Variants in ABHD12 observed in about 807,000 individuals in gnomAD.
ABHD12 encodes lysophosphatidylserine lipase ABHD12.
Under a neutral mutation model 58.3 loss-of-function variants are expected in ABHD12, and 43 were observed. That is an observed-to-expected ratio of 0.74 (90% CI 0.58 to 0.95). ABHD12 has a LOEUF of 0.95. ABHD12 is among the 40% of genes least tolerant of loss of function. The probability of loss-of-function intolerance (pLI) is 0.00; values close to 1 mark genes in which losing one functional copy is unlikely to be tolerated. For missense variants in ABHD12, 539 were observed against 537.2 expected, an observed-to-expected ratio of 1.00 and a Z score of -0.03; for synonymous variants, 219 against 211.2, an observed-to-expected ratio of 1.04 and a Z score of -0.32.
downstream of ABHD12, chr20:25,297,045 C>T (rs879275547): frequency 6.2e-6 from 1 of 162,244 alleles, no homozygotes; most frequent in Non-Finnish European, 1.4e-5. Flanking sequence ...GTCGGATCCT[C>T]TAGGCATCGC....
chr20:25,345,577 C>G (rs2089507724), intron 1 of ABHD12, among the ~76,000 whole-genome samples: 1 of 152,016 alleles, frequency 6.6e-6, no homozygotes, highest in African/African-American at 2.4e-5. Context: ...ACAAAATATA[C>G]AAAGAACTCT....
At chr20:25,362,227 C>G (rs1014391882) in intron 1 of ABHD12, among the ~76,000 whole-genome samples, 3 of 151,696 alleles carry the variant, frequency 2.0e-5, no homozygotes, top group Admixed American at 6.6e-5. Context: ...TTGTGGTGAG[C>G]CAACATTGTG....
chr20:25,350,831 A>C (rs1002017653), intron 1 of ABHD12, among the ~76,000 whole-genome samples: 1 of 152,140 alleles, frequency 6.6e-6, no homozygotes, highest in Non-Finnish European at 1.5e-5. Flanking sequence ...ACTTTATGAC[A>C]GTCAGCTGCC....
At chr20:25,341,607 G>A (rs6115150) in intron 1 of ABHD12, among the ~76,000 whole-genome samples, 1 of 152,076 alleles carries the variant, frequency 6.6e-6, no homozygotes, top group Non-Finnish European at 1.5e-5. Flanking sequence ...GTTCCTGGAA[G>A]GATTACACAC....
downstream of ABHD12, among the ~76,000 whole-genome samples, chr20:25,298,869 T>C (rs940724753): frequency 6.6e-6 from 1 of 152,130 alleles, no homozygotes; most frequent in African/African-American, 2.4e-5. Context: ...TGCTGCCAGG[T>C]TGTCCTCATC....
intron 1 of ABHD12, among the ~76,000 whole-genome samples, chr20:25,387,186 C>T (rs1164505015): frequency 6.6e-6 from 1 of 152,206 alleles, no homozygotes; most frequent in Non-Finnish European, 1.5e-5. Context: ...TAACAGCATT[C>T]TCATTAAAGT....
At chr20:25,362,212 G>A (rs756145395) in intron 1 of ABHD12, among the ~76,000 whole-genome samples, 22 of 151,880 alleles carry the variant, frequency 1.4e-4, no homozygotes, top group African/African-American at 4.8e-4. Flanking sequence ...CCCAGCAGGC[G>A]GAGGTTGTGG....
intron 2 of ABHD12, among the ~76,000 whole-genome samples, chr20:25,335,890 T>C (rs376120486): frequency 6.7e-6 from 1 of 150,282 alleles, no homozygotes; most frequent in East Asian, 2.0e-4. Context: ...CACACCAGCA[T>C]GGCACATGTA....
intron 1 of ABHD12, among the ~76,000 whole-genome samples, chr20:25,351,292 C>T (rs2089597513): frequency 6.6e-6 from 1 of 152,182 alleles, no homozygotes; most frequent in Non-Finnish European, 1.5e-5. Context: ...AACTCAATGC[C>T]AGGCTCATAG....
chr20:25,390,475 C>T, intron 1 of ABHD12, 38 bp downstream of exon 1: 2 of 1,089,470 alleles, frequency 1.8e-6, no homozygotes, highest in Non-Finnish European at 2.3e-6. Flanking sequence ...AGTGAGGGAC[C>T]GGCCCCCCCC....
intron 2 of ABHD12, among the ~76,000 whole-genome samples, chr20:25,338,391 C>A (rs1041648620): frequency 6.6e-6 from 1 of 152,214 alleles, no homozygotes; most frequent in Non-Finnish European, 1.5e-5. Context: ...TCAGCACCTG[C>A]CTCTCAGGCT....
chr20:25,323,190 C>T, intron 3 of ABHD12, 135 bp downstream of exon 3: 1 of 725,554 alleles, frequency 1.4e-6, no homozygotes, highest in South Asian at 1.5e-5. Flanking sequence ...GTACTGAGAT[C>T]TTTCCTTTAG....
At chr20:25,371,117 A>G (rs2089894877) in intron 1 of ABHD12, among the ~76,000 whole-genome samples, 1 of 152,200 alleles carries the variant, frequency 6.6e-6, no homozygotes, top group Admixed American at 6.5e-5. Context: ...AACGAGAGTG[A>G]TCAGCTAATT....
intron 1 of ABHD12, among the ~76,000 whole-genome samples, chr20:25,350,407 T>C (rs1188608667): frequency 6.6e-6 from 1 of 152,192 alleles, no homozygotes; most frequent in Non-Finnish European, 1.5e-5. Flanking sequence ...AACTGAATCA[T>C]GGGGACAGTT....
chr20:25,380,213 C>T (rs1313142896), intron 1 of ABHD12, among the ~76,000 whole-genome samples: 1 of 152,078 alleles, frequency 6.6e-6, no homozygotes, highest in Non-Finnish European at 1.5e-5. Context: ...TTTTCCATAA[C>T]TCCACTTAAC....
At chr20:25,367,338 G>A (rs1423723454) in intron 1 of ABHD12, among the ~76,000 whole-genome samples, 1 of 152,098 alleles carries the variant, frequency 6.6e-6, no homozygotes, top group African/African-American at 2.4e-5. Flanking sequence ...TTAAGAAAGG[G>A]GAAATGGGGG....
chr20:25,357,633 TATAA>T (rs2089686164), intron 1 of ABHD12, among the ~76,000 whole-genome samples: 1 of 152,238 alleles, frequency 6.6e-6, no homozygotes, highest in Non-Finnish European at 1.5e-5. Flanking sequence ...ATTCAAGTGA[TATAA>T]ATATTATGCA....
rs771980142 is a variant in ABHD12, at chr20:25,308,446, AAGGC to A, written c.787+7_787+10del. On this transcript the variant is annotated splice_region_variant and intron_variant, in intron 8 of 12. Transcript: ENST00000339157. Reference sequence around the variant, plus strand: ...CTCACTGCCACGGCTGGGGCCCAACAAGGCACTCACCTCGCTCACAGAGGCGCCG... The same window carrying A: ...CTCACTGCCACGGCTGGGGCCCAACAACTCACCTCGCTCACAGAGGCGCCG... The A allele has an allele frequency of 3.1e-6, 5 of 1,611,062 alleles. No homozygotes were observed. The highest frequency in any genetic ancestry group is 4.2e-6 in the Non-Finnish European group (5 of 1,178,924).
Position 25,390,542 on chromosome 20 carries a change from G to A in ABHD12, c.162C>T (p.Ala54=), listed in dbSNP as rs1445435596. 8 of 1,462,102 alleles carry A rather than the reference G, an allele frequency of 5.5e-6. No homozygotes were observed. The highest frequency in any genetic ancestry group is 1.3e-5 in the South Asian group (1 of 78,332). The allele number at this position is 1,462,102 out of a possible 1,614,324, so 90.6% of individuals were successfully genotyped here. ...GPAAAEPRCA[A]DAGMKRALGR... is the part of the protein sequence containing the mutation. ...CCAGCGCCCGCTTCATTCCCGCGTC[G>A]GCTGCGCAGCGCGGCTCAGCCGCCG... The change falls in exon 1 of 13, where the codon GCC becomes GCT. Residue 54 remains alanine (A), a synonymous_variant. Transcript: ENST00000339157.
Sources: allele counts gnomAD v4.1 joint callset (sites outside exome capture counted in the v4.1 genomes callset), GRCh38; gene constraint gnomAD v4.1.1; transcripts MANE v1.5; gene names NCBI Gene and HGNC (gene_info 2026-07-23, HGNC 2026-07-21).